Variants in KCNH8 observed in about 807,000 individuals in gnomAD.
KCNH8 encodes voltage-gated delayed rectifier potassium channel KCNH8.
KCNH8 carries 70 observed loss-of-function variants against 103.6 expected under a neutral mutation model. That is an observed-to-expected ratio of 0.68 (90% confidence interval 0.56 to 0.82). The LOEUF (loss-of-function observed/expected upper bound fraction) is 0.82. Ranked by LOEUF, KCNH8 falls within the 40% of genes least tolerant of loss-of-function variation. KCNH8 has a pLI of 0.00. For synonymous variants in KCNH8, 498 were observed against 489.4 expected, an observed-to-expected ratio of 1.02 and a Z score of -0.23; for missense variants, 1,217 against 1,329.9, an observed-to-expected ratio of 0.92 and a Z score of 1.32.
At chr3:19,382,014 C>G (rs967127865) in intron 5 of KCNH8, among the ~76,000 whole-genome samples, 1 of 152,084 alleles carries the variant, frequency 6.6e-6, no homozygotes, top group Non-Finnish European at 1.5e-5. Context: ...ATATCTCTAT[C>G]CATTGTTGGC....
intron 1 of KCNH8, among the ~76,000 whole-genome samples, chr3:19,172,068 A>C (rs2063353998): frequency 1.3e-5 from 2 of 152,132 alleles, no homozygotes; most frequent in Admixed American, 1.3e-4. Flanking sequence ...TCTCGGCAAA[A>C]ATGTCTTTTT....
At chr3:19,446,753 A>G (rs1420283576) in intron 8 of KCNH8, among the ~76,000 whole-genome samples, 1 of 151,964 alleles carries the variant, frequency 6.6e-6, no homozygotes, top group African/African-American at 2.4e-5. Flanking sequence ...CCAGGAGATA[A>G]GTGTTGTCCA....
At chr3:19,251,940 C>A (rs1269678861) in intron 1 of KCNH8, among the ~76,000 whole-genome samples, 1 of 152,104 alleles carries the variant, frequency 6.6e-6, no homozygotes, top group African/African-American at 2.4e-5. Flanking sequence ...ACATACTATA[C>A]TGAATCTTGC....
At chr3:19,247,659 A>T (rs2064223540) in intron 1 of KCNH8, among the ~76,000 whole-genome samples, 1 of 152,322 alleles carries the variant, frequency 6.6e-6, no homozygotes, top group East Asian at 1.9e-4. Context: ...GATTCTTTTT[A>T]AAAAGAGAAC....
rs748521044 is a variant in KCNH8, at chr3:19,451,410, T to A, written c.1825+6T>A. 6.2e-7 allele frequency: 1 copy of A among 1,610,164 alleles called. No homozygotes were observed. ...CATGGTGCTGGCTATTCTTGGTAGG[T>A]CTGAATTGAAAAACTTGTATGAAAT... On this transcript the variant is annotated splice_donor_region_variant and intron_variant, in intron 10 of 15. Coordinates refer to ENST00000328405, the MANE Select transcript of KCNH8 (RefSeq NM_144633.3).
At chr3:19,259,370 A>G (rs966948229) in intron 2 of KCNH8, among the ~76,000 whole-genome samples, 2 of 151,980 alleles carry the variant, frequency 1.3e-5, no homozygotes, top group Non-Finnish European at 2.9e-5. Context: ...TTAGAAAAGT[A>G]AAAAGTATAC....
At chr3:19,443,991 A>G (rs904050746) in intron 8 of KCNH8, among the ~76,000 whole-genome samples, 5 of 151,982 alleles carry the variant, frequency 3.3e-5, no homozygotes, top group African/African-American at 1.2e-4. Flanking sequence ...AATCCCAATA[A>G]AAATTCCAGT....
chr3:19,520,627 T>A (rs193257081), intron 15 of KCNH8, among the ~76,000 whole-genome samples: 1 of 151,994 alleles, frequency 6.6e-6, no homozygotes, highest in East Asian at 1.9e-4. Context: ...ACATGTGTCA[T>A]CATTTGATTG....
chr3:19,487,102 A>G (rs1275227713), intron 11 of KCNH8, among the ~76,000 whole-genome samples: 1 of 152,172 alleles, frequency 6.6e-6, no homozygotes, highest in African/African-American at 2.4e-5. Flanking sequence ...GCAGGTCTTG[A>G]GCCAGGGCCT....
At chr3:19,477,597 C>G (rs2125209906) in intron 11 of KCNH8, among the ~76,000 whole-genome samples, 1 of 152,056 alleles carries the variant, frequency 6.6e-6, no homozygotes, top group African/African-American at 2.4e-5. Flanking sequence ...ACTAAGACCT[C>G]TAACAGGAAT....
At chr3:19,379,596 T>C (rs2066261731) in intron 5 of KCNH8, among the ~76,000 whole-genome samples, 1 of 151,588 alleles carries the variant, frequency 6.6e-6, no homozygotes, top group Non-Finnish European at 1.5e-5. Context: ...GCTGAGATTG[T>C]GCCACTGCAC....
chr3:19,485,167 T>C (rs2068179260), intron 11 of KCNH8, among the ~76,000 whole-genome samples: 1 of 152,158 alleles, frequency 6.6e-6, no homozygotes, highest in Non-Finnish European at 1.5e-5. Context: ...CCTGAGCCGA[T>C]TCGTAAGGGC....
Position 19,446,577 on chromosome 3 carries a change from G to T in KCNH8, c.1376-3529G>T, listed in dbSNP as rs193147892. Among the ~76,000 whole-genome samples the T allele has an allele frequency of 6.6e-5, 10 of 152,030 alleles. No individual in the cohort carries two copies. The East Asian group carries it at 1.9e-3, about 29-fold the overall frequency. On this transcript the variant is annotated intron_variant, in intron 8 of 15. Coordinates refer to ENST00000328405, the MANE Select transcript of KCNH8 (RefSeq NM_144633.3). ...AGCCAGTGTACTTATAACCAAGAAT[G>T]GAAATTTCCAGGGCAATGAGGAGGT...
At chr3:19,509,742 A>T (rs544302405) in intron 11 of KCNH8, among the ~76,000 whole-genome samples, 1 of 152,134 alleles carries the variant, frequency 6.6e-6, no homozygotes, top group African/African-American at 2.4e-5. Flanking sequence ...ATTTGATTCA[A>T]TTAGGGGATT....
At chr3:19,531,284 T>C (rs2069156802) in intron 15 of KCNH8, among the ~76,000 whole-genome samples, 1 of 152,186 alleles carries the variant, frequency 6.6e-6, no homozygotes, top group Non-Finnish European at 1.5e-5. Context: ...TTAATCACTT[T>C]AAGATGGAAC....
intron 5 of KCNH8, among the ~76,000 whole-genome samples, chr3:19,360,051 A>G (rs569997563): frequency 6.6e-6 from 1 of 152,188 alleles, no homozygotes; most frequent in South Asian, 2.1e-4. Context: ...CAGAATTTTT[A>G]AAAAGCATGA....
intron 11 of KCNH8, among the ~76,000 whole-genome samples, 156 bp downstream of exon 11, chr3:19,457,138 C>T (rs1022426812): frequency 2.0e-5 from 3 of 151,880 alleles, no homozygotes; most frequent in African/African-American, 4.8e-5. Context: ...AAATAATTAG[C>T]GAGAAGCCAA....
At chr3:19,268,280 A>G (rs1419152809) in intron 2 of KCNH8, among the ~76,000 whole-genome samples, 2 of 152,130 alleles carry the variant, frequency 1.3e-5, no homozygotes, top group East Asian at 1.9e-4. Context: ...ATGGAGTTCA[A>G]GGAAAACCTC....
rs1259480279 is a variant in KCNH8 at position 19,169,843 on chromosome 3, C to T, written c.76+21048C>T. Among the ~76,000 whole-genome samples the T allele has an allele frequency of 2.0e-5, 3 of 152,192 alleles. No homozygotes were observed. In the East Asian group the frequency reaches 5.8e-4, roughly 29 times the overall value. On this transcript the variant is annotated intron_variant, in intron 1 of 15. Coordinates refer to ENST00000328405, the MANE Select transcript of KCNH8 (RefSeq NM_144633.3). The stretch of plus-strand genomic sequence containing the variant: ...AACCTATCAAGGATCCATACATATT[C>T]TTCTAATGACTGAGAAGTTGTATAT...
Sources: allele counts gnomAD v4.1 joint callset (sites outside exome capture counted in the v4.1 genomes callset), GRCh38; gene constraint gnomAD v4.1.1; transcripts MANE v1.5; gene names NCBI Gene and HGNC (gene_info 2026-07-23, HGNC 2026-07-21).